AMPH: variants seen among roughly 807,000 people sequenced by gnomAD.
The protein encoded by AMPH is amphiphysin (Stiff-Mann syndrome with breast cancer 128kD autoantigen).
A neutral mutation model predicts 99.1 loss-of-function variants in AMPH; 49 were observed. The observed-to-expected ratio is 0.49, with a 90% CI of 0.39 to 0.63. AMPH has a LOEUF of 0.63. Ranked by LOEUF, AMPH falls within the 20% of genes least tolerant of loss-of-function variation. AMPH has a pLI of 0.00. For missense variants in AMPH, 759 were observed against 863.4 expected, an observed-to-expected ratio of 0.88 and a Z score of 1.52; for synonymous variants, 314 against 317.3, an observed-to-expected ratio of 0.99 and a Z score of 0.11.
At chr7:38,578,451 T>A (rs55665381) in intron 1 of AMPH, among the ~76,000 whole-genome samples, 42,652 of 151,704 alleles carry the variant, frequency 0.28, 6,393 homozygotes, top group Non-Finnish European at 0.34. Flanking sequence ...AAATTTTTTT[T>A]AAATATTGCA....
chr7:38,491,749 G>A (rs931174077), intron 4 of AMPH, among the ~76,000 whole-genome samples: 15 of 152,158 alleles, frequency 9.9e-5, no homozygotes, highest in African/African-American at 3.6e-4. Context: ...ATACAGAAGA[G>A]GACACTGAAG....
intron 15 of AMPH, among the ~76,000 whole-genome samples, chr7:38,423,406 A>T (rs949495512): frequency 6.6e-6 from 1 of 152,172 alleles, no homozygotes; most frequent in African/African-American, 2.4e-5. Context: ...AAGGAAAAAA[A>T]CAAAATGCCT....
chr7:38,614,120 C>T (rs546234901), intron 1 of AMPH, among the ~76,000 whole-genome samples: 1 of 152,300 alleles, frequency 6.6e-6, no homozygotes, highest in East Asian at 1.9e-4. Context: ...TGCACATCTC[C>T]CACTGATGAG....
intron 11 of AMPH, among the ~76,000 whole-genome samples, chr7:38,459,857 C>T (rs943687723): frequency 6.6e-6 from 1 of 151,808 alleles, no homozygotes; most frequent in Non-Finnish European, 1.5e-5. Flanking sequence ...CTATATTAAA[C>T]TAAATGGCAT....
At chr7:38,551,553 T>C (rs1306458792) in intron 1 of AMPH, among the ~76,000 whole-genome samples, 2 of 152,146 alleles carry the variant, frequency 1.3e-5, no homozygotes, top group Non-Finnish European at 2.9e-5. Context: ...CTGCGAAAAG[T>C]GGCCAGTATT....
rs1429939699 is a variant in AMPH, at chr7:38,429,349, G to A, written c.1182+493C>T. ...ACAGTGGGCCAGTCAGCAGACGAAA[G>A]CAGGCTGGTGGATAATCTTATGTCT... On this transcript the variant is annotated intron_variant, in intron 14 of 20. Transcript: ENST00000356264. 13 of 1,289,566 alleles carry A rather than the reference G, an allele frequency of 1.0e-5. No homozygotes were observed. In the Admixed American group the frequency reaches 2.8e-4, roughly 27 times the overall value. The allele number at this position is 1,289,566 out of a possible 1,614,324, so 79.9% of individuals were successfully genotyped here.
intron 1 of AMPH, among the ~76,000 whole-genome samples, chr7:38,629,498 T>A (rs1385698804): frequency 1.3e-5 from 2 of 151,628 alleles, no homozygotes; most frequent in African/African-American, 2.4e-5. Flanking sequence ...CGTGAAAAAG[T>A]GAGTTTTGAC....
At chr7:38,459,482 T>C (rs572679514) in intron 11 of AMPH, among the ~76,000 whole-genome samples, 60 of 152,078 alleles carry the variant, frequency 3.9e-4, no homozygotes, top group African/African-American at 1.4e-3. Context: ...CAGCATGACA[T>C]TGGTATAAAA....
chr7:38,393,094 T>C (rs78501955), intron 18 of AMPH, among the ~76,000 whole-genome samples: 79 of 152,246 alleles, frequency 5.2e-4, no homozygotes, highest in African/African-American at 1.8e-3. Context: ...ATACCGTCTT[T>C]CCATGAGTAG....
intron 17 of AMPH, among the ~76,000 whole-genome samples, chr7:38,396,435 G>C (rs1456027900): frequency 6.6e-6 from 1 of 152,154 alleles, no homozygotes; most frequent in East Asian, 1.9e-4. Context: ...CAGCTATGTG[G>C]AACTGTAAGT....
chr7:38,468,217 A>G (rs1254102832), intron 7 of AMPH, among the ~76,000 whole-genome samples: 1 of 152,232 alleles, frequency 6.6e-6, no homozygotes, highest in Non-Finnish European at 1.5e-5. Context: ...AAAAGTTAGC[A>G]TCTCACTGAC....
intron 2 of AMPH, among the ~76,000 whole-genome samples, chr7:38,523,112 A>T (rs1295862882): frequency 2.0e-5 from 3 of 151,912 alleles, no homozygotes; most frequent in Non-Finnish European, 4.4e-5. Context: ...CTGTCTAAAA[A>T]AAAAAAAAAA....
At chr7:38,560,645 T>C (rs1386878380) in intron 1 of AMPH, among the ~76,000 whole-genome samples, 1 of 152,210 alleles carries the variant, frequency 6.6e-6, no homozygotes, top group Non-Finnish European at 1.5e-5. Context: ...GAAGAGAACT[T>C]GTTCTAAATC....
At chr7:38,427,087 A>G in intron 14 of AMPH, 101 bp from the exon 15 acceptor site, 1 of 1,057,516 alleles carries the variant, frequency 9.5e-7, no homozygotes, top group Non-Finnish European at 1.4e-6. Context: ...AGACTATCAC[A>G]AGTTTTAAAA....
chr7:38,410,553 A>C (rs773943385), intron 17 of AMPH, among the ~76,000 whole-genome samples: 1 of 152,240 alleles, frequency 6.6e-6, no homozygotes, highest in Non-Finnish European at 1.5e-5. Flanking sequence ...AAAAAGCCAT[A>C]AACACAGGGT....
chr7:38,484,197 T>A (rs1030340147), intron 5 of AMPH, among the ~76,000 whole-genome samples: 10 of 151,982 alleles, frequency 6.6e-5, no homozygotes, highest in Non-Finnish European at 4.4e-5. Context: ...CAGAAAGCTA[T>A]TGAAAGAAAT....
intron 2 of AMPH, among the ~76,000 whole-genome samples, chr7:38,524,276 A>G (rs1790080165): frequency 6.6e-6 from 1 of 152,204 alleles, no homozygotes; most frequent in Non-Finnish European, 1.5e-5. Flanking sequence ...AAACACTGAA[A>G]CACTCTTCCA....
chr7:38,410,090 C>T (rs540617338), intron 17 of AMPH, among the ~76,000 whole-genome samples: 1 of 152,322 alleles, frequency 6.6e-6, no homozygotes, highest in South Asian at 2.1e-4. Context: ...AAGGAAGACA[C>T]ATTTATGGTA....
chr7:38,568,511 G>A (rs1307285924), intron 1 of AMPH, among the ~76,000 whole-genome samples: 1 of 152,210 alleles, frequency 6.6e-6, no homozygotes, highest in Non-Finnish European at 1.5e-5. Flanking sequence ...ACTCTGTAAT[G>A]GGTTTGAGCT....
Sources: allele counts gnomAD v4.1 joint callset (sites outside exome capture counted in the v4.1 genomes callset), GRCh38; gene constraint gnomAD v4.1.1; transcripts MANE v1.5; gene names NCBI Gene and HGNC (gene_info 2026-07-23, HGNC 2026-07-21).